ATP9B: variants seen among roughly 807,000 people sequenced by gnomAD.
The protein encoded by ATP9B is probable phospholipid-transporting ATPase IIB.
A neutral mutation model predicts 146.1 loss-of-function variants in ATP9B; 110 were observed. The ratio of observed to expected loss-of-function variants is 0.75; its 90% confidence interval spans 0.65 to 0.88. ATP9B has a LOEUF of 0.88. Ranked by LOEUF, ATP9B falls within the 40% of genes least tolerant of loss-of-function variation. ATP9B has a pLI of 0.00. For synonymous variants in ATP9B, 604 were observed against 569.7 expected, an observed-to-expected ratio of 1.06 and a Z score of -0.86; for missense variants, 1,499 against 1,496.4, an observed-to-expected ratio of 1.00 and a Z score of -0.03.
Position 79,092,596 on chromosome 18 carries a change from C to CTA in ATP9B, c.120-3876_120-3875dup, listed in dbSNP as rs533531971. On this transcript the variant is annotated intron_variant, in intron 1 of 29. Coordinates refer to ENST00000426216, the MANE Select transcript of ATP9B (RefSeq NM_198531.5). Reference sequence around the variant, plus strand: ...TATTTTCTTTTTTTATATTCTAATTCTATATGCTTTTTTCTTTTTTAAAAA... The same window carrying CTA: ...TATTTTCTTTTTTTATATTCTAATTCTATATATGCTTTTTTCTTTTTTAAAAA... 8.0e-4 allele frequency among the ~76,000 whole-genome samples: 109 copies of CTA among 135,770 alleles called. 1 individual carries two copies. In the East Asian group the frequency reaches 0.02, roughly 25 times the overall value. The allele number at this position is 135,770 out of a possible 152,430, so 89.1% of individuals were successfully genotyped here. A position where few individuals can be genotyped will look rare whatever the true frequency, so the allele number is the denominator to read the frequency against.
chr18:79,161,778 G>A (rs991089801), intron 7 of ATP9B, among the ~76,000 whole-genome samples: 2 of 152,142 alleles, frequency 1.3e-5, no homozygotes, highest in African/African-American at 2.4e-5. Flanking sequence ...CCCGGGAGGC[G>A]GAGCTTGCAG....
chr18:79,321,311 T>G (rs183403848), intron 15 of ATP9B, among the ~76,000 whole-genome samples: 3 of 152,342 alleles, frequency 2.0e-5, no homozygotes, highest in Admixed American at 6.5e-5. Flanking sequence ...AGGTATGAAT[T>G]CAGGAGCAAA....
chr18:79,193,682 A>C (rs1248675826), intron 9 of ATP9B, among the ~76,000 whole-genome samples: 1 of 152,202 alleles, frequency 6.6e-6, no homozygotes, highest in Non-Finnish European at 1.5e-5. Flanking sequence ...ATTTCATGCC[A>C]CACACTTTAT....
chr18:79,154,466 G>A (rs765324366), intron 6 of ATP9B, 38 bp from the exon 7 acceptor site: 4 of 1,419,296 alleles, frequency 2.8e-6, no homozygotes, highest in Admixed American at 5.0e-5. Context: ...TTGTAAACCT[G>A]CATATAGATA....
chr18:79,351,395 ACGTCT>A (rs1385707010), intron 25 of ATP9B, among the ~76,000 whole-genome samples: 1 of 152,220 alleles, frequency 6.6e-6, no homozygotes, highest in African/African-American at 2.4e-5. Flanking sequence ...CACAAAAGAA[ACGTCT>A]GTGACTTTCT....
chr18:79,116,709 G>A (rs1168655729), intron 4 of ATP9B, among the ~76,000 whole-genome samples: 1 of 61,128 alleles, frequency 1.6e-5, no homozygotes, highest in Non-Finnish European at 3.2e-5. Flanking sequence ...ACTCATAGGT[G>A]GGAATTGAAC....
At position 79,258,467 on chromosome 18, in the gene ATP9B, T is replaced by G. The variant is rs116307123; in HGVS notation, c.1268+4926T>G. On this transcript the variant is annotated intron_variant, in intron 12 of 29. Transcript: ENST00000426216. ...AATAATAATAAGAGAAGAAGATAAG[T>G]ATTATCTGTAATCCTGCTGTCTCCA... 6.5e-3 allele frequency among the ~76,000 whole-genome samples: 997 copies of G among 152,214 alleles called. 11 individuals are homozygous for G. Among genetic ancestry groups the G allele is most frequent in the African/African-American group, 0.023 (960 of 41,518 alleles).
chr18:79,120,920 G>A (rs1034320106), intron 4 of ATP9B, among the ~76,000 whole-genome samples: 3 of 152,112 alleles, frequency 2.0e-5, no homozygotes, highest in Non-Finnish European at 4.4e-5. Context: ...TTAGAGGTGT[G>A]GGCAAAGTAA....
chr18:79,339,221 A>G (rs2096843417), intron 19 of ATP9B, among the ~76,000 whole-genome samples: 1 of 152,176 alleles, frequency 6.6e-6, no homozygotes, highest in African/African-American at 2.4e-5. Flanking sequence ...CTGAGATCAC[A>G]GTAGGAAGTG....
intron 11 of ATP9B, among the ~76,000 whole-genome samples, chr18:79,252,782 G>T (rs1012460918): frequency 2.0e-5 from 3 of 150,798 alleles, no homozygotes; most frequent in African/African-American, 7.3e-5. Flanking sequence ...TTTATTTTAA[G>T]CTAGCTAACT....
chr18:79,327,543 T>C (rs1028857911), intron 15 of ATP9B, among the ~76,000 whole-genome samples: 2,592 of 131,558 alleles, frequency 0.02, 149 homozygotes, highest in African/African-American at 0.078. Flanking sequence ...GTTAGCGTGC[T>C]CTCCGTGGTT....
intron 15 of ATP9B, among the ~76,000 whole-genome samples, chr18:79,327,720 CGTGCTCGCCGTGGTT>C (rs2096762962): frequency 1.0e-5 from 1 of 97,572 alleles, no homozygotes; most frequent in African/African-American, 4.2e-5. Context: ...CCATGGTTAG[CGTGCTCGCCGTGGTT>C]AGCGTGCTCT....
At chr18:79,177,587 G>A (rs927165416) in intron 8 of ATP9B, among the ~76,000 whole-genome samples, 2 of 152,052 alleles carry the variant, frequency 1.3e-5, no homozygotes, top group African/African-American at 2.4e-5. Flanking sequence ...TCTCCTTTGC[G>A]ACTTTGTATT....
chr18:79,345,991 A>T (rs113133629), intron 23 of ATP9B, 152 bp downstream of exon 23: 17 of 860,440 alleles, frequency 2.0e-5, no homozygotes, highest in Non-Finnish European at 3.2e-5. Flanking sequence ...CACTCAGCAC[A>T]TGCTTGGTCA....
At chr18:79,368,958 T>C (rs2097052129) in intron 26 of ATP9B, among the ~76,000 whole-genome samples, 1 of 146,386 alleles carries the variant, frequency 6.8e-6, no homozygotes, top group South Asian at 2.4e-4. Flanking sequence ...GGGGCTTCTC[T>C]CCCCGGCGCC....
intron 9 of ATP9B, among the ~76,000 whole-genome samples, 173 bp from the exon 10 acceptor site, chr18:79,206,764 T>G (rs1315562385): frequency 6.6e-6 from 1 of 152,250 alleles, no homozygotes; most frequent in African/African-American, 2.4e-5. Context: ...TCTTTGAACT[T>G]GTACTTTCAA....
At chr18:79,133,823 C>T (rs1035293336) in intron 5 of ATP9B, among the ~76,000 whole-genome samples, 1 of 152,188 alleles carries the variant, frequency 6.6e-6, no homozygotes, top group Non-Finnish European at 1.5e-5. Flanking sequence ...GTCTGCCCCC[C>T]GCAGCCTTTG....
At chr18:79,348,694 G>T (rs2096905706) in intron 25 of ATP9B, among the ~76,000 whole-genome samples, 1 of 152,274 alleles carries the variant, frequency 6.6e-6, no homozygotes, top group Non-Finnish European at 1.5e-5. Context: ...GCAGCACCAG[G>T]GCTGGGCGCG....
chr18:79,118,384 G>GTTT (rs1304879263), intron 4 of ATP9B, among the ~76,000 whole-genome samples: 878 of 73,422 alleles, frequency 0.012, 113 homozygotes, highest in African/African-American at 0.041. Flanking sequence ...CATATTGAAC[G>GTTT]TTTTTGTTTT....
Sources: allele counts gnomAD v4.1 joint callset (sites outside exome capture counted in the v4.1 genomes callset), GRCh38; gene constraint gnomAD v4.1.1; transcripts MANE v1.5; gene names NCBI Gene and HGNC (gene_info 2026-07-23, HGNC 2026-07-21).